RIF1: variants seen among roughly 807,000 people sequenced by gnomAD.
The protein encoded by RIF1 is replication timing regulatory factor 1.
In RIF1, 45 loss-of-function variants were observed where a neutral mutation model predicts 247.1. The ratio of observed to expected loss-of-function variants is 0.18; its 90% CI spans 0.14 to 0.23. The LOEUF (loss-of-function observed/expected upper bound fraction) is 0.23. RIF1 is among the 10% of genes least tolerant of loss of function. The pLI is 1.00. For synonymous variants in RIF1, 1,087 were observed against 978.8 expected, an observed-to-expected ratio of 1.11 and a Z score of -2.06; for missense variants, 2,967 against 2,862.5, an observed-to-expected ratio of 1.04 and a Z score of -0.83.
chr2:151,427,558 A>G (rs1198272071), intron 8 of RIF1, among the ~76,000 whole-genome samples: 1 of 136,882 alleles, frequency 7.3e-6, no homozygotes, highest in Admixed American at 7.5e-5. Flanking sequence ...TCCTGAGCTC[A>G]TATTTTTCTT....
chr2:151,528,500 C>T, the RIF1 span, among the ~76,000 whole-genome samples: 3 of 152,160 alleles, frequency 2.0e-5, no homozygotes, highest in Admixed American at 1.3e-4. Flanking sequence ...TGCTTTATCT[C>T]ACATCTGTCC....
chr2:151,526,497 C>T, the RIF1 span, among the ~76,000 whole-genome samples: 4,464 of 152,240 alleles, frequency 0.029, 87 homozygotes, highest in African/African-American at 0.048. Flanking sequence ...GTCACACTTA[C>T]GTTCACAGCA....
At chr2:151,492,334 T>A (rs2057254953) in intron 9 of RIF1, 2 of 1,589,742 alleles carry the variant, frequency 1.3e-6, no homozygotes, top group Admixed American at 1.7e-5. Flanking sequence ...ACTATATCCC[T>A]TTTTACACAT....
chr2:151,526,122 A>G, the RIF1 span: 1 of 1,610,404 alleles, frequency 6.2e-7, no homozygotes, highest in Non-Finnish European at 8.5e-7. Flanking sequence ...CGTTCTCCCA[A>G]GAGGGAAGCA....
At chr2:151,454,364 A>C (rs892437235) in intron 21 of RIF1, among the ~76,000 whole-genome samples, 1 of 152,168 alleles carries the variant, frequency 6.6e-6, no homozygotes, top group Non-Finnish European at 1.5e-5. Flanking sequence ...CTTTTTCTTT[A>C]TATCTAGGAA....
intron 12 of RIF1, chr2:151,503,482 C>G (rs778721485): frequency 7.2e-7 from 1 of 1,397,710 alleles, no homozygotes; most frequent in Admixed American, 1.7e-5. Context: ...GTAAAATGAC[C>G]GTAAATCCTT....
chr2:151,501,316 A>T (rs545304760), intron 11 of RIF1: 1 of 981,138 alleles, frequency 1.0e-6, no homozygotes, highest in East Asian at 2.6e-5. Context: ...TTATAAAGGG[A>T]TGAACAGTGA....
chr2:151,411,414 G>C (rs1686194635), intron 3 of RIF1, 76 bp downstream of exon 3: 3 of 988,310 alleles, frequency 3.0e-6, no homozygotes, highest in South Asian at 2.9e-5. Context: ...TTTTTGTTTT[G>C]AGGTGTAGTT....
chr2:151,439,357 T>G (rs1691817431), intron 14 of RIF1, among the ~76,000 whole-genome samples: 1 of 152,098 alleles, frequency 6.6e-6, no homozygotes, highest in Admixed American at 6.6e-5. Flanking sequence ...ATCTCTAAAA[T>G]TACATGCTTA....
At chr2:151,454,766 G>A in intron 21 of RIF1, 129 bp from the exon 22 acceptor site, 1 of 608,348 alleles carries the variant, frequency 1.6e-6, no homozygotes, top group East Asian at 2.9e-5. Context: ...TGTTTGGGGT[G>A]TCAGTCAGCA....
At chr2:151,453,191 T>C (rs571931403) in intron 21 of RIF1, among the ~76,000 whole-genome samples, 1 of 152,252 alleles carries the variant, frequency 6.6e-6, no homozygotes, top group African/African-American at 2.4e-5. Context: ...ATACATTTTA[T>C]TCTTTTTCCC....
chr2:151,436,842 A>T lies in RIF1; in HGVS notation c.1211A>T (p.Tyr404Phe). Residue 404 changes from tyrosine to phenylalanine, a missense_variant, in exon 12 of 36, where the codon TAC (tyrosine) becomes TTC (phenylalanine). By Grantham distance (22) the Tyr-to-Phe change is conservative (BLOSUM62 3). Transcript: ENST00000444746. ...TTTCTTAAAGGTGCTTCCTCCCCGT[A>T]CGGAGCCCCGGGAACTCCCCGAATG... ...TPVHKGASSP[Y>F]GAPGTPRMNL... is the part of the protein sequence containing the mutation. The T allele has an allele frequency of 6.3e-7, 1 of 1,598,232 alleles. No homozygotes were observed. The highest frequency in any genetic ancestry group is 8.5e-7 in the Non-Finnish European group (1 of 1,173,624).
downstream of RIF1, among the ~76,000 whole-genome samples, chr2:151,483,989 C>A (rs1299516454): frequency 6.6e-6 from 1 of 152,192 alleles, no homozygotes; most frequent in Non-Finnish European, 1.5e-5. Context: ...TAAATCATCT[C>A]TTGATTATAA....
At chr2:151,460,169 A>C in intron 26 of RIF1, 50 bp downstream of exon 26, 1 of 1,334,028 alleles carries the variant, frequency 7.5e-7, no homozygotes, top group Non-Finnish European at 1.0e-6. Context: ...GTATATTGTA[A>C]CTTACATACA....
chr2:151,419,866 C>T (rs775118242), intron 6 of RIF1, among the ~76,000 whole-genome samples: 1 of 152,054 alleles, frequency 6.6e-6, no homozygotes, highest in African/African-American at 2.4e-5. Flanking sequence ...CAAAACGTTG[C>T]TCTGTGGTGA....
chr2:151,511,246 G>T (rs1000646087), downstream of RIF1, among the ~76,000 whole-genome samples: 11 of 152,114 alleles, frequency 7.2e-5, no homozygotes, highest in African/African-American at 2.7e-4. Context: ...ATATCATTTT[G>T]GTAGTTTTTA....
chr2:151,447,406 T>C (rs1693507384), intron 20 of RIF1, among the ~76,000 whole-genome samples: 1 of 152,278 alleles, frequency 6.6e-6, no homozygotes, highest in Non-Finnish European at 1.5e-5. Flanking sequence ...ATTGCATTTA[T>C]TCCAAAGTAA....
intron 32 of RIF1, 28 bp downstream of exon 32, chr2:151,468,579 C>G: frequency 1.9e-6 from 3 of 1,605,042 alleles, no homozygotes; most frequent in Non-Finnish European, 2.6e-6. Context: ...TTTCATGTCA[C>G]TTTATATTTT....
chr2:151,454,451 A>G (rs1209949333), intron 21 of RIF1, among the ~76,000 whole-genome samples: 1 of 152,166 alleles, frequency 6.6e-6, no homozygotes, highest in African/African-American at 2.4e-5. Context: ...TCAATGTACT[A>G]TAGATGAGCA....
Sources: gnomAD v4.1 joint callset for allele counts (sites outside exome capture counted in the v4.1 genomes callset) on GRCh38, gnomAD v4.1.1 for gene constraint, MANE v1.5 for transcripts, NCBI Gene and HGNC (gene_info 2026-07-23, HGNC 2026-07-21) for gene names.